The following TAOK3 variants were observed in gnomAD, a reference collection of about 807,000 sequenced individuals.
TAOK3 encodes TAO kinase 3.
A neutral mutation model predicts 120.4 loss-of-function variants in TAOK3; 40 were observed. That is an observed-to-expected ratio of 0.33 (90% CI 0.26 to 0.43). The LOEUF (loss-of-function observed/expected upper bound fraction) is 0.43. TAOK3 is among the 20% of genes least tolerant of loss of function. The pLI is 1.00. For synonymous variants in TAOK3, 355 were observed against 387.5 expected (o/e 0.92, Z 0.99); for missense variants, 821 against 1,112.1 (o/e 0.74, Z 3.72).
intron 1 of TAOK3, among the ~76,000 whole-genome samples, chr12:118,348,030 A>T (rs1346338253): frequency 6.6e-6 from 1 of 152,100 alleles, no homozygotes; most frequent in African/African-American, 2.4e-5. Context: ...AAGGCTTTTG[A>T]TTTGCCACTA....
chr12:118,284,263 C>G (rs1017601932), intron 1 of TAOK3, among the ~76,000 whole-genome samples: 9 of 151,936 alleles, frequency 5.9e-5, no homozygotes, highest in Non-Finnish European at 1.0e-4. Flanking sequence ...TAGAAGGAGA[C>G]TAGAGCAGGG....
At chr12:118,271,577 T>C (rs1217499151) in intron 1 of TAOK3, among the ~76,000 whole-genome samples, 1 of 152,246 alleles carries the variant, frequency 6.6e-6, no homozygotes, top group Non-Finnish European at 1.5e-5. Context: ...TATCAGGTGA[T>C]GGACATTTGG....
At chr12:118,296,402 G>C (rs2042682671) in intron 1 of TAOK3, among the ~76,000 whole-genome samples, 1 of 152,190 alleles carries the variant, frequency 6.6e-6, no homozygotes. Context: ...TCAAAATGCT[G>C]AGATTATAGG....
intron 1 of TAOK3, among the ~76,000 whole-genome samples, chr12:118,325,711 G>A (rs2043908327): frequency 6.6e-6 from 1 of 151,882 alleles, no homozygotes; most frequent in African/African-American, 2.4e-5. Context: ...ATAGAGTCTC[G>A]CTGTCTCGCC....
At chr12:118,349,655 G>T (rs2045047387) in intron 1 of TAOK3, among the ~76,000 whole-genome samples, 1 of 152,124 alleles carries the variant, frequency 6.6e-6, no homozygotes, top group Non-Finnish European at 1.5e-5. Context: ...TAATGAAAAT[G>T]TTCTAGAGTT....
intron 1 of TAOK3, among the ~76,000 whole-genome samples, chr12:118,301,014 G>T (rs2140695696): frequency 6.6e-6 from 1 of 152,244 alleles, no homozygotes; most frequent in East Asian, 1.9e-4. Flanking sequence ...GACCTCAAAT[G>T]ATCTGCCTGC....
intron 1 of TAOK3, among the ~76,000 whole-genome samples, chr12:118,317,814 GACAA>G (rs987709606): frequency 1.3e-5 from 2 of 151,730 alleles, no homozygotes; most frequent in Non-Finnish European, 2.9e-5. Context: ...ATCTAAAAAA[GACAA>G]ACAAACAAAA....
At chr12:118,192,939 G>T (rs1215540704) in intron 13 of TAOK3, among the ~76,000 whole-genome samples, 4 of 151,574 alleles carry the variant, frequency 2.6e-5, no homozygotes, top group Non-Finnish European at 1.5e-5. Context: ...TATATGGCAT[G>T]GTTATAATTT....
At chr12:118,363,114 T>C (rs1308195827) in intron 1 of TAOK3, among the ~76,000 whole-genome samples, 2 of 92,260 alleles carry the variant, frequency 2.2e-5, no homozygotes, top group Admixed American at 9.8e-5. Context: ...CTTAAGGAAA[T>C]AAAATAACAA....
chr12:118,181,754 G>A, intron 14 of TAOK3, 147 bp from the exon 15 acceptor site: 1 of 671,262 alleles, frequency 1.5e-6, no homozygotes, highest in South Asian at 1.8e-5. Flanking sequence ...ACCCGTAGGG[G>A]GCACTGTGCT....
chr12:118,331,220 T>A (rs1758036912), intron 1 of TAOK3, among the ~76,000 whole-genome samples: 1 of 152,184 alleles, frequency 6.6e-6, no homozygotes, highest in African/African-American at 2.4e-5. Context: ...AGGGAATGAA[T>A]GTAAGAGGCA....
At chr12:118,364,641 C>T (rs958649597) in intron 1 of TAOK3, among the ~76,000 whole-genome samples, 6 of 152,184 alleles carry the variant, frequency 3.9e-5, no homozygotes, top group Non-Finnish European at 8.8e-5. Flanking sequence ...GGCACAGTGG[C>T]TGGTGCCTGT....
At chr12:118,320,262 A>T (rs182212791) in intron 1 of TAOK3, among the ~76,000 whole-genome samples, 3 of 152,244 alleles carry the variant, frequency 2.0e-5, no homozygotes, top group Admixed American at 1.3e-4. Flanking sequence ...CTGGAAATAG[A>T]TAGTGATGTT....
At position 118,160,083 on chromosome 12, in the gene TAOK3, G is replaced by A; in HGVS notation, c.2352+63C>T. On this transcript the variant is annotated intron_variant, in intron 19 of 20. Coordinates refer to ENST00000392533, the MANE Select transcript of TAOK3 (RefSeq NM_016281.4). This position sits in a 1 kb window ranked among gnomAD's most constrained non-coding sequence, Gnocchi z 4.2. ...AGAATCATCTTGGGAACAACAGGCT[G>A]GATCTTGGATTTTCTTGATTCCCAA... The A allele has an allele frequency of 7.6e-7, 1 of 1,311,272 alleles. No homozygotes were observed. Among genetic ancestry groups the A allele is most frequent in the Middle Eastern group, 1.8e-4 (1 of 5,456 alleles). 81.2% of individuals were successfully genotyped at this position (1,311,272 alleles called of 1,614,324 possible).
At chr12:118,363,755 T>TGTGTGA (rs777468830) in intron 1 of TAOK3, among the ~76,000 whole-genome samples, 15 of 141,776 alleles carry the variant, frequency 1.1e-4, no homozygotes, top group African/African-American at 3.8e-4. Context: ...TGTGTGTGTG[T>TGTGTGA]GAGAGAGAGA....
In TAOK3 at chr12:118,189,852, G is replaced by C; in HGVS notation, c.1284C>G (p.His428Gln). The change falls in exon 14 of 21, where the codon CAC becomes CAG. Residue 428 changes from histidine (H) to glutamine (Q), a missense_variant. Transcript: ENST00000392533. ...TGGCAAAGCGCTCTCTGTTCCGGTA[G>C]TGGAGGGCCTGGCTCTGAACTGACT... ...PTQSVQSQAL[H>Q]YRNRERFATI... 6.2e-7 allele frequency: 1 copy of C among 1,614,238 alleles called. No individual in the cohort carries two copies.
At chr12:118,182,599 G>GTATATATATATA (rs1212615187) in intron 14 of TAOK3, among the ~76,000 whole-genome samples, 29 of 93,892 alleles carry the variant, frequency 3.1e-4, no homozygotes, top group South Asian at 1.3e-3. Context: ...GTGTGTGTGT[G>GTATATATATATA]TATATATATA....
Position 118,229,093 on chromosome 12 carries a change from C to CA in TAOK3, c.643+4580_643+4581insT, listed in dbSNP as rs762115367. 6.8e-4 allele frequency among the ~76,000 whole-genome samples: 103 copies of CA among 150,964 alleles called. 1 individual carries two copies. The East Asian group carries it at 0.019, about 28-fold the overall frequency. On this transcript the variant is annotated intron_variant, in intron 9 of 20. Transcript: ENST00000392533. The stretch of plus-strand genomic sequence containing the variant: ...TTCTCTACTGGTTGTTTGGCTTTTT[C>CA]TTTTTTTTCCTTTTTTTTTTGGGGG...
chr12:118,324,734 C>CTTTTTTTTTTTTT (rs35462737), intron 1 of TAOK3, among the ~76,000 whole-genome samples: 2 of 69,644 alleles, frequency 2.9e-5, no homozygotes, highest in African/African-American at 6.1e-5. Context: ...GAATTTCATT[C>CTTTTTTTTTTTTT]TTTTTTTTTT....
Sources: allele counts gnomAD v4.1 joint callset (sites outside exome capture counted in the v4.1 genomes callset), GRCh38; gene constraint gnomAD v4.1.1; non-coding constraint Gnocchi (gnomAD v3.1); transcripts MANE v1.5; gene names NCBI Gene and HGNC (gene_info 2026-07-23, HGNC 2026-07-21).